Variants in CEP128 observed in about 807,000 individuals in gnomAD.
CEP128 encodes centrosomal protein 128.
A neutral mutation model predicts 156.7 loss-of-function variants in CEP128; 132 were observed. The observed-to-expected ratio is 0.84, with a 90% CI of 0.73 to 0.97. The LOEUF (loss-of-function observed/expected upper bound fraction) is 0.97. CEP128 is among the 50% of genes least tolerant of loss of function. CEP128 has a pLI of 0.00. For synonymous variants in CEP128, 469 were observed against 448.9 expected (o/e 1.04, Z -0.57); for missense variants, 1,252 against 1,281.9 (o/e 0.98, Z 0.36).
rs1382438206 is a variant in CEP128 at position 80,940,110 on chromosome 14, G to T, written c.-171-570C>A. 4.6e-5 allele frequency among the ~76,000 whole-genome samples: 7 copies of T among 152,150 alleles called. No homozygotes were observed. In the East Asian group the frequency reaches 1.2e-3, roughly 25 times the overall value. ...AAGAATCCACAGGAAGTGATCCAGA[G>T]AACTGGGAGTTGTCTACATAAAAGG... On this transcript the variant is annotated intron_variant, in intron 1 of 24. Transcript: ENST00000555265.
intron 13 of CEP128, among the ~76,000 whole-genome samples, chr14:80,818,086 C>T (rs769439406): frequency 6.6e-6 from 1 of 152,126 alleles, no homozygotes; most frequent in Non-Finnish European, 1.5e-5. Context: ...GTGGTGTGAT[C>T]ACAGCCCACT....
At chr14:80,826,443 G>A (rs1340975208) in intron 13 of CEP128, among the ~76,000 whole-genome samples, 1 of 152,116 alleles carries the variant, frequency 6.6e-6, no homozygotes, top group East Asian at 1.9e-4. Flanking sequence ...AGGTCTCTAA[G>A]ACCTTTGGTC....
chr14:80,927,924 G>T (rs886961184), intron 2 of CEP128, among the ~76,000 whole-genome samples: 1 of 152,170 alleles, frequency 6.6e-6, no homozygotes, highest in Non-Finnish European at 1.5e-5. Context: ...CCCCACAGGA[G>T]AGAGTAAACC....
At chr14:80,794,872 TAAAAG>T (rs1883372292) in intron 13 of CEP128, among the ~76,000 whole-genome samples, 1 of 152,024 alleles carries the variant, frequency 6.6e-6, no homozygotes, top group Non-Finnish European at 1.5e-5. Context: ...AGCTGAGATT[TAAAAG>T]AAAAGAAGCT....
chr14:80,707,311 T>C (rs950354223), intron 19 of CEP128, among the ~76,000 whole-genome samples: 6 of 152,162 alleles, frequency 3.9e-5, no homozygotes, highest in African/African-American at 4.8e-5. Flanking sequence ...AGAGACCTTG[T>C]AGTGTTGTTT....
At chr14:80,911,693 T>A (rs894185821) in intron 4 of CEP128, among the ~76,000 whole-genome samples, 1 of 152,210 alleles carries the variant, frequency 6.6e-6, no homozygotes, top group Non-Finnish European at 1.5e-5. Flanking sequence ...TGAAATAAGA[T>A]GATCTATGTA....
chr14:80,680,038 G>A (rs897481196), intron 19 of CEP128, among the ~76,000 whole-genome samples: 1 of 152,220 alleles, frequency 6.6e-6, no homozygotes, highest in Non-Finnish European at 1.5e-5. Flanking sequence ...AGTTGCGCAT[G>A]CATTTTAGTC....
chr14:80,891,686 A>G (rs934873123), intron 8 of CEP128, among the ~76,000 whole-genome samples: 1 of 152,036 alleles, frequency 6.6e-6, no homozygotes, highest in East Asian at 1.9e-4. Flanking sequence ...TAAAATAACT[A>G]AAAGAGTATA....
intron 21 of CEP128, among the ~76,000 whole-genome samples, chr14:80,537,173 A>AT (rs377665352): frequency 7.3e-4 from 111 of 151,464 alleles, no homozygotes; most frequent in African/African-American, 2.6e-3. Flanking sequence ...TATTCACAGT[A>AT]TTTTTTTTTA....
chr14:80,800,172 T>G (rs1161737841), intron 13 of CEP128, among the ~76,000 whole-genome samples: 1 of 152,164 alleles, frequency 6.6e-6, no homozygotes, highest in African/African-American at 2.4e-5. Flanking sequence ...AATTCCTCTC[T>G]TTGTACTCTT....
At chr14:80,545,839 G>A (rs1487013464) in intron 21 of CEP128, among the ~76,000 whole-genome samples, 1 of 152,114 alleles carries the variant, frequency 6.6e-6, no homozygotes, top group Non-Finnish European at 1.5e-5. Flanking sequence ...TGTTGAAGAT[G>A]GCATAAATCA....
Position 80,789,806 on chromosome 14 carries a change from G to A in CEP128, c.1560+2954C>T, listed in dbSNP as rs946058860. On this transcript the variant is annotated intron_variant, in intron 14 of 24. Coordinates refer to ENST00000555265, the MANE Select transcript of CEP128 (RefSeq NM_152446.5). ...GACGTGAATACAAAGTATTATATAC[G>A]CAGTTTGGTTTTTTTTTTTTAACTA... is the stretch of plus-strand genomic sequence containing the variant. 2.0e-5 allele frequency among the ~76,000 whole-genome samples: 3 copies of A among 149,342 alleles called. No individual in the cohort carries two copies. In the Admixed American group the frequency reaches 2.0e-4, roughly 10 times the overall value.
chr14:80,739,448 C>A lies in CEP128; in HGVS notation c.2806+3627G>T, dbSNP rs564290470. 3.9e-5 allele frequency among the ~76,000 whole-genome samples: 6 copies of A among 152,238 alleles called. No individual in the cohort carries two copies. In the East Asian group the frequency reaches 1.2e-3, roughly 29 times the overall value. On this transcript the variant is annotated intron_variant, in intron 19 of 24. Coordinates refer to ENST00000555265, the MANE Select transcript of CEP128 (RefSeq NM_152446.5). Reference sequence around the variant, plus strand: ...TTTTGACCTCATCCACCCGTATCTTCCAGGATCCTGCTATACCAGCTAAAC... The same window carrying A: ...TTTTGACCTCATCCACCCGTATCTTACAGGATCCTGCTATACCAGCTAAAC...
intron 18 of CEP128, 51 bp from the exon 19 acceptor site, chr14:80,743,318 G>C: frequency 7.5e-7 from 1 of 1,328,180 alleles, no homozygotes; most frequent in Non-Finnish European, 1.1e-6. Flanking sequence ...GAAAAGAGCA[G>C]CATTTCAAAA....
rs1459206941 is a variant in CEP128, at chr14:80,914,057, T to C, written c.234+265A>G. Among the ~76,000 whole-genome samples the C allele has an allele frequency of 2.0e-5, 3 of 152,194 alleles. No individual in the cohort carries two copies. In the East Asian group the frequency reaches 5.8e-4, roughly 29 times the overall value. ...ATGAGGGGTCTCTCCATGGCCCAAG[T>C]TTACCAAGTCTCCATTAAATTCATG... On this transcript the variant is annotated intron_variant, in intron 4 of 24. Transcript: ENST00000555265.
chr14:80,619,367 GAC>G (rs34190837), intron 19 of CEP128, among the ~76,000 whole-genome samples: 4,671 of 139,414 alleles, frequency 0.034, 87 homozygotes, highest in Non-Finnish European at 0.041. Context: ...AAGACACACA[GAC>G]ACACACACAC....
At chr14:80,846,342 T>C (rs938129576) in intron 9 of CEP128, among the ~76,000 whole-genome samples, 3 of 152,090 alleles carry the variant, frequency 2.0e-5, no homozygotes, top group Non-Finnish European at 2.9e-5. Context: ...AAGGATTAAG[T>C]AGAATAAAGA....
chr14:80,836,765 T>C (rs762204540), intron 11 of CEP128, among the ~76,000 whole-genome samples: 4 of 152,348 alleles, frequency 2.6e-5, no homozygotes, highest in Non-Finnish European at 5.9e-5. Flanking sequence ...AAAATAAGTA[T>C]GTAATAGATG....
chr14:80,782,397 A>T (rs1901173078), intron 15 of CEP128, among the ~76,000 whole-genome samples: 1 of 152,122 alleles, frequency 6.6e-6, no homozygotes, highest in African/African-American at 2.4e-5. Context: ...TTTATCCTTC[A>T]GCTTTCTCAT....
Sources: gnomAD v4.1 joint callset for allele counts (sites outside exome capture counted in the v4.1 genomes callset) on GRCh38, gnomAD v4.1.1 for gene constraint, MANE v1.5 for transcripts, NCBI Gene and HGNC (gene_info 2026-07-23, HGNC 2026-07-21) for gene names.